Variants in KCNK2 observed in about 807,000 individuals in gnomAD.
KCNK2 encodes potassium channel subfamily K member 2.
In KCNK2, 21 loss-of-function variants were observed where a neutral mutation model predicts 40.5. That is an observed-to-expected ratio of 0.52 (90% CI 0.37 to 0.75). KCNK2 has a LOEUF of 0.75. KCNK2 is among the 30% of genes least tolerant of loss of function. The pLI, the probability that KCNK2 is intolerant of heterozygous loss-of-function variation, is 0.00. For synonymous variants in KCNK2, 191 were observed against 202.2 expected, an observed-to-expected ratio of 0.94 and a Z score of 0.47; for missense variants, 399 against 531.6, an observed-to-expected ratio of 0.75 and a Z score of 2.45.
At chr1:215,197,996 C>T (rs888228339) in intron 6 of KCNK2, among the ~76,000 whole-genome samples, 1 of 51,332 alleles carries the variant, frequency 1.9e-5, no homozygotes, top group African/African-American at 3.7e-5. Flanking sequence ...CAGACTTTGT[C>T]TCAAACAAAC....
intron 6 of KCNK2, among the ~76,000 whole-genome samples, chr1:215,224,991 T>C (rs1471068502): frequency 6.6e-6 from 1 of 152,122 alleles, no homozygotes; most frequent in Non-Finnish European, 1.5e-5. Context: ...TCAAGGTTTA[T>C]TTAGGGCTGG....
At chr1:215,076,858 T>G (rs1400479467) in intron 1 of KCNK2, among the ~76,000 whole-genome samples, 1 of 152,182 alleles carries the variant, frequency 6.6e-6, no homozygotes, top group African/African-American at 2.4e-5. Context: ...CAATTAAGGC[T>G]CTTGATATCA....
chr1:215,076,125 T>A (rs1203100345), intron 1 of KCNK2, among the ~76,000 whole-genome samples: 1 of 152,220 alleles, frequency 6.6e-6, no homozygotes, highest in African/African-American at 2.4e-5. Flanking sequence ...TCCCTTCTCA[T>A]TAACACATTC....
At chr1:215,175,596 C>A (rs919487257) in intron 5 of KCNK2, among the ~76,000 whole-genome samples, 1 of 151,992 alleles carries the variant, frequency 6.6e-6, no homozygotes, top group East Asian at 1.9e-4. Flanking sequence ...ATCCCATCAC[C>A]CAGGTACCAA....
chr1:215,005,820 A>G, upstream of KCNK2: 1 of 993,530 alleles, frequency 1.0e-6, no homozygotes, highest in Non-Finnish European at 1.6e-6. Context: ...ATGGCTTGTT[A>G]GTACAAGTGA....
chr1:215,014,171 T>C (rs1414932949), intron 1 of KCNK2, among the ~76,000 whole-genome samples: 1 of 152,128 alleles, frequency 6.6e-6, no homozygotes, highest in East Asian at 1.9e-4. Context: ...TATGATCATG[T>C]GATTTTTCTC....
intron 3 of KCNK2, among the ~76,000 whole-genome samples, chr1:215,158,717 A>G (rs1663055965): frequency 6.6e-6 from 1 of 152,176 alleles, no homozygotes; most frequent in African/African-American, 2.4e-5. Flanking sequence ...GTCTTATGCA[A>G]AAACAAACAA....
chr1:215,211,075 G>A (rs1298378666), intron 6 of KCNK2, among the ~76,000 whole-genome samples: 3 of 152,184 alleles, frequency 2.0e-5, no homozygotes, highest in African/African-American at 4.8e-5. Flanking sequence ...AACATGAGTC[G>A]TATCATGTTA....
chr1:215,151,055 T>A (rs1265501868), intron 3 of KCNK2, among the ~76,000 whole-genome samples: 1 of 152,212 alleles, frequency 6.6e-6, no homozygotes, highest in Non-Finnish European at 1.5e-5. Context: ...ATAAAAGAAG[T>A]AGTACAGACT....
chr1:215,005,677 G>A (rs1213232627), upstream of KCNK2: 3 of 426,262 alleles, frequency 7.0e-6, no homozygotes, highest in African/African-American at 2.0e-5. Context: ...TCCTGAACCA[G>A]ACTGTAAAAA....
chr1:215,196,208 C>A (rs1261976375), intron 6 of KCNK2, among the ~76,000 whole-genome samples: 1 of 151,920 alleles, frequency 6.6e-6, no homozygotes, highest in Admixed American at 6.6e-5. Flanking sequence ...CTCAGCCTCC[C>A]GAGTATCTGG....
intron 6 of KCNK2, among the ~76,000 whole-genome samples, chr1:215,196,123 A>T (rs1383581176): frequency 4.7e-5 from 7 of 150,012 alleles, no homozygotes; most frequent in Admixed American, 4.7e-4. Context: ...TCGCTTTGTT[A>T]TCCAGGCTGG....
At chr1:215,156,784 AG>A (rs1278731389) in intron 3 of KCNK2, among the ~76,000 whole-genome samples, 1 of 152,140 alleles carries the variant, frequency 6.6e-6, no homozygotes, top group Non-Finnish European at 1.5e-5. Flanking sequence ...CTATAGAGAA[AG>A]GGGCAAGTGC....
chr1:215,201,711 G>C (rs1036012794), intron 6 of KCNK2, among the ~76,000 whole-genome samples: 1 of 152,116 alleles, frequency 6.6e-6, no homozygotes, highest in African/African-American at 2.4e-5. Context: ...TTTATTGGGA[G>C]GATTGCGTAG....
At chr1:215,116,578 C>A (rs1660954086) in intron 2 of KCNK2, among the ~76,000 whole-genome samples, 1 of 151,998 alleles carries the variant, frequency 6.6e-6, no homozygotes, top group South Asian at 2.1e-4. Context: ...AAGCTGTACA[C>A]TTCATTAGTC....
chr1:215,070,407 C>A (rs1293601462), intron 1 of KCNK2, among the ~76,000 whole-genome samples: 9 of 114,024 alleles, frequency 7.9e-5, no homozygotes, highest in Non-Finnish European at 1.6e-4. Flanking sequence ...CAGAGTGAGA[C>A]CCCGTCTTAA....
intron 2 of KCNK2, among the ~76,000 whole-genome samples, chr1:215,119,355 C>G (rs538055681): frequency 6.6e-6 from 1 of 152,294 alleles, no homozygotes; most frequent in East Asian, 1.9e-4. Flanking sequence ...ATTCAAAAAT[C>G]CACAAATTCA....
intron 2 of KCNK2, among the ~76,000 whole-genome samples, chr1:215,122,363 G>T (rs1019527328): frequency 2.0e-5 from 3 of 152,034 alleles, no homozygotes; most frequent in Non-Finnish European, 2.9e-5. Context: ...ACAGGAATAA[G>T]AGAGCAATAA....
chr1:215,083,879 C>G (rs1313454311), intron 1 of KCNK2, among the ~76,000 whole-genome samples: 1 of 152,062 alleles, frequency 6.6e-6, no homozygotes, highest in South Asian at 2.1e-4. Flanking sequence ...AACAGAAGAC[C>G]GGGATTAACA....
Sources: allele counts gnomAD v4.1 joint callset (sites outside exome capture counted in the v4.1 genomes callset), GRCh38; gene constraint gnomAD v4.1.1; transcripts MANE v1.5; gene names NCBI Gene and HGNC (gene_info 2026-07-23, HGNC 2026-07-21).